Variants in ANKRD42 observed in about 807,000 individuals in gnomAD.
ANKRD42 encodes the protein ankyrin repeat domain 42.
In ANKRD42, 43 loss-of-function variants were observed where a neutral mutation model predicts 51.5. That is an observed-to-expected ratio of 0.83 (90% CI 0.65 to 1.08). The LOEUF is 1.08. ANKRD42 is among the 50% of genes least tolerant of loss of function. ANKRD42 has a pLI of 0.00. For synonymous variants in ANKRD42, 203 were observed against 213.0 expected (o/e 0.95, Z 0.41); for missense variants, 608 against 629.3 (o/e 0.97, Z 0.36).
intron 2 of ANKRD42, among the ~76,000 whole-genome samples, chr11:83,202,959 C>T (rs2135485406): frequency 6.7e-6 from 1 of 149,600 alleles, no homozygotes; most frequent in East Asian, 1.9e-4. Context: ...AGCACAGTGC[C>T]TAGCAGATGT....
intron 6 of ANKRD42, among the ~76,000 whole-genome samples, chr11:83,225,804 A>AT (rs1392643827): frequency 7.0e-6 from 1 of 141,858 alleles, no homozygotes; most frequent in Non-Finnish European, 1.5e-5. Context: ...AAAAAAAAAA[A>AT]AGGAATAAAA....
intron 3 of ANKRD42, chr11:83,209,607 G>A (rs1212990444): frequency 1.6e-5 from 14 of 867,604 alleles, no homozygotes; most frequent in Admixed American, 6.8e-5. Context: ...TTGCTGTTCC[G>A]GTGCCCACTA....
At chr11:83,257,400 GA>G (rs780170794), downstream of ANKRD42, 2 of 434,922 alleles carry the variant, frequency 4.6e-6, no homozygotes, top group South Asian at 3.3e-5. Context: ...AGGCAAGTAG[GA>G]AAAAAGAGGG....
chr11:83,236,707 G>A (rs1331102181), intron 8 of ANKRD42, among the ~76,000 whole-genome samples, 198 bp downstream of exon 8: 1 of 152,154 alleles, frequency 6.6e-6, no homozygotes, highest in Non-Finnish European at 1.5e-5. Flanking sequence ...TCTCCACTGG[G>A]AGGTAATATT....
rs1363641362 is a variant in ANKRD42, at chr11:83,210,432, T to A, written c.450+13T>A. 1 of 1,613,430 alleles carries A rather than the reference T, an allele frequency of 6.2e-7. No individual in the cohort carries two copies. The highest frequency in any genetic ancestry group is 1.1e-5 in the South Asian group (1 of 91,040). ...CCGAAGTGGAGTGGTGAGTGACTCC[T>A]GTTAATATGTGCTAATGTGTGATAA... On this transcript the variant is annotated intron_variant, in intron 4 of 10. Transcript: ENST00000533342.
At chr11:83,228,233 T>TTC (rs1565190274) in intron 7 of ANKRD42, among the ~76,000 whole-genome samples, 1 of 30,748 alleles carries the variant, frequency 3.3e-5, no homozygotes, top group Non-Finnish European at 6.1e-5. Flanking sequence ...CTCTCTCTCT[T>TTC]TTTTTTTTTT....
intron 5 of ANKRD42, among the ~76,000 whole-genome samples, chr11:83,223,022 G>A (rs968557595): frequency 9.9e-5 from 15 of 152,162 alleles, no homozygotes; most frequent in Admixed American, 6.5e-4. Context: ...GGCCAAGGGC[G>A]GGTGCATTGC....
intron 7 of ANKRD42, among the ~76,000 whole-genome samples, chr11:83,231,021 G>A (rs552454443): frequency 1.3e-5 from 2 of 152,294 alleles, no homozygotes; most frequent in African/African-American, 4.8e-5. Flanking sequence ...AACAAACATA[G>A]GAGTGAAGAT....
At chr11:83,237,377 GAA>G (rs1464662609) in intron 8 of ANKRD42, among the ~76,000 whole-genome samples, 1 of 140,298 alleles carries the variant, frequency 7.1e-6, no homozygotes, top group African/African-American at 2.6e-5. Flanking sequence ...AGAGGTGAAA[GAA>G]AAAACTTTTC....
rs767201709 is a variant in ANKRD42, at chr11:83,219,086, G to A, written c.587-5769G>A. On this transcript the variant is annotated intron_variant, in intron 5 of 10. Transcript: ENST00000533342. The stretch of plus-strand genomic sequence containing the variant: ...AGGGAGTGTCTGGTTTTCAAGGTGT[G>A]GTGCTCATCCGGAATTTTAAACAGA... 5.8e-4 allele frequency among the ~76,000 whole-genome samples: 88 copies of A among 152,124 alleles called. 1 individual carries two copies. The highest frequency in any genetic ancestry group is 1.2e-3 in the Non-Finnish European group (83 of 68,018).
intron 5 of ANKRD42, among the ~76,000 whole-genome samples, chr11:83,224,471 A>G (rs1862811613): frequency 1.3e-5 from 2 of 152,188 alleles, no homozygotes; most frequent in Admixed American, 1.3e-4. Context: ...ACTGCTTTGA[A>G]GTGACTAGAA....
chr11:83,263,097 C>T (rs768213197), downstream of ANKRD42, among the ~76,000 whole-genome samples: 7 of 151,886 alleles, frequency 4.6e-5, no homozygotes, highest in Non-Finnish European at 1.5e-5. Context: ...TTTTTTTTCT[C>T]TTAATAAAAA....
At chr11:83,255,971 T>A (rs960773724) in exon 12 of ANKRD42, 1 of 1,446,092 alleles carries the variant, frequency 6.9e-7, no homozygotes, top group African/African-American at 1.4e-5. Context: ...TAGATTTTTC[T>A]CTTTCATTAA....
At chr11:83,213,543 G>A (rs960487900) in intron 5 of ANKRD42, 2 of 1,252,634 alleles carry the variant, frequency 1.6e-6, no homozygotes, top group South Asian at 1.8e-5. Context: ...TTTCACATAT[G>A]GTATTATTAG....
chr11:83,206,274 A>G (rs1862070215), intron 3 of ANKRD42, 109 bp downstream of exon 3: 1 of 862,176 alleles, frequency 1.2e-6, no homozygotes, highest in Non-Finnish European at 1.8e-6. Context: ...TATGTTCTAA[A>G]CAAGAACTTA....
chr11:83,256,421 A>G (rs1054937791), downstream of ANKRD42, among the ~76,000 whole-genome samples: 7 of 152,196 alleles, frequency 4.6e-5, no homozygotes, highest in African/African-American at 1.4e-4. Flanking sequence ...ATTGGACAGG[A>G]TAAGAAACAC....
chr11:83,201,752 A>G (rs1194626541), intron 2 of ANKRD42, among the ~76,000 whole-genome samples: 1 of 152,188 alleles, frequency 6.6e-6, no homozygotes, highest in Non-Finnish European at 1.5e-5. Flanking sequence ...TCTAATGACC[A>G]GTGATGAGCT....
Position 83,225,170 on chromosome 11 carries a change from T to C in ANKRD42, c.787+115T>C, listed in dbSNP as rs75922637. On this transcript the variant is annotated intron_variant, in intron 6 of 10. Coordinates refer to ENST00000533342, the MANE Select transcript of ANKRD42 (RefSeq NM_001300975.2). ...TATAAGGCAAATGTTATATACGTTA[T>C]ATGTAAAAATATAAACATGTTTAAT... is the stretch of plus-strand genomic sequence containing the variant. The C allele has an allele frequency of 1.1e-5, 9 of 795,274 alleles. No individual in the cohort carries two copies. The East Asian group carries it at 2.6e-4, about 23-fold the overall frequency. The allele number at this position is 795,274 out of a possible 1,614,324, so 49.3% of individuals were successfully genotyped here.
chr11:83,255,031 T>A (rs956831208), intron 11 of ANKRD42, among the ~76,000 whole-genome samples: 4 of 152,192 alleles, frequency 2.6e-5, no homozygotes, highest in African/African-American at 9.7e-5. Flanking sequence ...CACACACTAT[T>A]GAGTTAAACT....
Sources: gnomAD v4.1 joint callset for allele counts (sites outside exome capture counted in the v4.1 genomes callset) on GRCh38, gnomAD v4.1.1 for gene constraint, MANE v1.5 for transcripts, NCBI Gene and HGNC (gene_info 2026-07-23, HGNC 2026-07-21) for gene names.